Variants in NRG3 observed in about 807,000 individuals in gnomAD.
The protein encoded by NRG3 is neuregulin 3, also known as pro-neuregulin-3, membrane-bound isoform.
NRG3 carries 31 observed loss-of-function variants against 66.9 expected under a neutral mutation model. The ratio of observed to expected loss-of-function variants is 0.46; its 90% CI spans 0.35 to 0.63. NRG3 has a LOEUF of 0.63. NRG3 is among the 20% of genes least tolerant of loss of function. The probability of loss-of-function intolerance (pLI) is 0.00; values close to 1 mark genes in which losing one functional copy is unlikely to be tolerated. For synonymous variants in NRG3, 393 were observed against 359.4 expected, an observed-to-expected ratio of 1.09 and a Z score of -1.06; for missense variants, 910 against 878.9, an observed-to-expected ratio of 1.04 and a Z score of -0.45.
chr10:82,273,027 A>G (rs1318718950), intron 1 of NRG3, among the ~76,000 whole-genome samples: 3 of 152,008 alleles, frequency 2.0e-5, no homozygotes, highest in African/African-American at 7.2e-5. Context: ...TGTCCCCCAC[A>G]CTTTCAAGTT....
chr10:82,918,410 A>G (rs1846095040), intron 4 of NRG3, among the ~76,000 whole-genome samples: 1 of 152,174 alleles, frequency 6.6e-6, no homozygotes, highest in Admixed American at 6.5e-5. Flanking sequence ...ACAAATTCAC[A>G]AACCACAAGG....
intron 1 of NRG3, among the ~76,000 whole-genome samples, chr10:82,155,560 TATCGTAATAAAA>T (rs2071126546): frequency 6.6e-6 from 1 of 151,602 alleles, no homozygotes; most frequent in Non-Finnish European, 1.5e-5. Context: ...ATTACAAACA[TATCGTAATAAAA>T]AGGGTATGGC....
intron 4 of NRG3, among the ~76,000 whole-genome samples, chr10:82,911,239 AT>A (rs909248803): frequency 1.3e-5 from 2 of 151,764 alleles, no homozygotes; most frequent in African/African-American, 2.4e-5. Flanking sequence ...GTTTATAAGC[AT>A]TTTTTTTCAG....
chr10:82,188,731 TGC>T lies in NRG3; in HGVS notation c.824-170007_824-170006del, dbSNP rs1416229225. ...TCAACATCATTGATCATCAAAGAAG[TGC>T]ACATTAAAACTACAATGAGATAGAA... On this transcript the variant is annotated intron_variant, in intron 1 of 8. Transcript: ENST00000372141. 2.0e-5 allele frequency among the ~76,000 whole-genome samples: 3 copies of T among 152,096 alleles called. No homozygotes were observed. In the East Asian group the frequency reaches 5.8e-4, roughly 29 times the overall value.
At chr10:82,042,326 C>T (rs570015186) in intron 1 of NRG3, among the ~76,000 whole-genome samples, 4 of 152,062 alleles carry the variant, frequency 2.6e-5, no homozygotes, top group Non-Finnish European at 4.4e-5. Flanking sequence ...AAGTAGCTTT[C>T]ACATTTATCT....
At position 81,999,405 on chromosome 10, in the gene NRG3, G is replaced by T. The variant is rs550489408; in HGVS notation, c.823+123242G>T. ...ATTTTGAAGAATTGAGATCATTCTA[G>T]ACAATCACAGTCTTGGCCACATGAG... On this transcript the variant is annotated intron_variant, in intron 1 of 8. Coordinates refer to ENST00000372141, the MANE Select transcript of NRG3 (RefSeq NM_001010848.4). Among the ~76,000 whole-genome samples, 16 of 152,298 alleles carry T rather than the reference G, an allele frequency of 1.1e-4. No homozygotes were observed. In the East Asian group the frequency reaches 2.9e-3, roughly 28 times the overall value.
intron 3 of NRG3, among the ~76,000 whole-genome samples, chr10:82,810,306 A>G (rs1031530833): frequency 2.0e-5 from 3 of 152,210 alleles, no homozygotes; most frequent in Admixed American, 2.0e-4. Flanking sequence ...TATAAAATCC[A>G]TTTGGGATTG....
At chr10:82,592,957 A>T (rs923838353) in intron 2 of NRG3, among the ~76,000 whole-genome samples, 1 of 152,208 alleles carries the variant, frequency 6.6e-6, no homozygotes, top group African/African-American at 2.4e-5. Context: ...TCTTCTAGGT[A>T]CTTGAAGAGC....
chr10:82,087,935 G>A (rs1252024098), intron 1 of NRG3, among the ~76,000 whole-genome samples: 1 of 151,918 alleles, frequency 6.6e-6, no homozygotes, highest in Non-Finnish European at 1.5e-5. Flanking sequence ...TTTTCTTGAG[G>A]TATCTGAGAA....
At chr10:82,261,559 GAC>G (rs2078032826) in intron 1 of NRG3, among the ~76,000 whole-genome samples, 1 of 152,202 alleles carries the variant, frequency 6.6e-6, no homozygotes, top group Non-Finnish European at 1.5e-5. Context: ...TCAGGGGACT[GAC>G]AGCCTTCAGA....
intron 3 of NRG3, among the ~76,000 whole-genome samples, chr10:82,817,892 C>T (rs1247599293): frequency 6.6e-6 from 1 of 152,188 alleles, no homozygotes; most frequent in Non-Finnish European, 1.5e-5. Flanking sequence ...AGCTGTGTTA[C>T]TAGGCAAAGT....
At chr10:82,013,965 G>A (rs2061684384) in intron 1 of NRG3, among the ~76,000 whole-genome samples, 1 of 152,106 alleles carries the variant, frequency 6.6e-6, no homozygotes, top group Admixed American at 6.6e-5. Flanking sequence ...TAGTTCTCAG[G>A]CATTTACCTT....
intron 1 of NRG3, among the ~76,000 whole-genome samples, chr10:82,352,817 C>T (rs1490836913): frequency 1.3e-5 from 2 of 150,340 alleles, no homozygotes; most frequent in Admixed American, 6.6e-5. Context: ...AGATTTTGGT[C>T]TTCATCGTAA....
rs551937007 is a variant in NRG3, at chr10:82,075,245, T to C, written c.823+199082T>C. On this transcript the variant is annotated intron_variant, in intron 1 of 8. Coordinates refer to ENST00000372141, the MANE Select transcript of NRG3 (RefSeq NM_001010848.4). ...GGACTTCTTGATGTTTTCCAGGTAT[T>C]ATAACTTTGTTATGTGTTGTGTATG... Among the ~76,000 whole-genome samples the C allele has an allele frequency of 1.1e-4, 16 of 152,330 alleles. 1 individual carries two copies. In the South Asian group the frequency reaches 3.3e-3, roughly 32 times the overall value.
intron 2 of NRG3, among the ~76,000 whole-genome samples, chr10:82,596,107 C>T (rs1033228188): frequency 7.2e-5 from 11 of 152,130 alleles, no homozygotes; most frequent in Admixed American, 6.6e-5. Context: ...CATCCCATTT[C>T]CTAGGCCTAA....
intron 1 of NRG3, among the ~76,000 whole-genome samples, chr10:82,102,579 C>T (rs1167208427): frequency 6.6e-6 from 1 of 151,350 alleles, no homozygotes; most frequent in Non-Finnish European, 1.5e-5. Flanking sequence ...ATATTTTTAT[C>T]ATGATATTTT....
At chr10:82,669,093 G>A (rs2053038741) in intron 2 of NRG3, among the ~76,000 whole-genome samples, 1 of 152,084 alleles carries the variant, frequency 6.6e-6, no homozygotes, top group Non-Finnish European at 1.5e-5. Flanking sequence ...AGATATTGGT[G>A]CAAGTAGAAT....
intron 2 of NRG3, among the ~76,000 whole-genome samples, chr10:82,665,784 A>G (rs528531992): frequency 1.3e-5 from 2 of 152,104 alleles, no homozygotes; most frequent in South Asian, 2.1e-4. Flanking sequence ...TATTTTACCC[A>G]TTGAACCCAC....
chr10:82,907,044 G>T (rs1844798802), intron 4 of NRG3, among the ~76,000 whole-genome samples: 1 of 152,164 alleles, frequency 6.6e-6, no homozygotes, highest in Admixed American at 6.5e-5. Context: ...AATACAAACT[G>T]ATTTGGGTTA....
Sources: allele counts gnomAD v4.1 joint callset (sites outside exome capture counted in the v4.1 genomes callset), GRCh38; gene constraint gnomAD v4.1.1; transcripts MANE v1.5; gene names NCBI Gene and HGNC (gene_info 2026-07-23, HGNC 2026-07-21).